The following PCP2 variants were observed in gnomAD, a reference collection of about 807,000 sequenced individuals.
PCP2 encodes Purkinje cell protein 2.
In PCP2, 21 loss-of-function variants were observed where a neutral mutation model predicts 18.3. That is an observed-to-expected ratio of 1.14 (90% CI 0.81 to 1.65). PCP2 has a LOEUF of 1.65. Among genes scored for constraint, PCP2 ranks in the 40% most tolerant of loss-of-function variants. The pLI, the probability that PCP2 is intolerant of heterozygous loss-of-function variation, is 0.00. For synonymous variants in PCP2, 85 were observed against 77.6 expected, an observed-to-expected ratio of 1.10 and a Z score of -0.50; for missense variants, 202 against 201.8, an observed-to-expected ratio of 1.00 and a Z score of 0.00.
rs558700311 is a variant in PCP2 at position 7,633,536 on chromosome 19, G to A, written c.-79C>T. 29 of 1,410,012 alleles carry A rather than the reference G, an allele frequency of 2.1e-5. 1 individual carries two copies. Among genetic ancestry groups the A allele is most frequent in the East Asian group, 2.0e-4 (8 of 40,238 alleles). The allele number at this position is 1,410,012 out of a possible 1,614,324, so 87.3% of individuals were successfully genotyped here. ...AGAGGGCCTTTTAAACGTCCAGGAC[G>A]TGGGGGTGTGGATTCCCCCCATCCC... On this transcript the variant is annotated 5_prime_UTR_variant, in exon 1 of 4. In the 5' UTR this introduces an upstream ATG that the reference lacks. Coordinates refer to ENST00000311069, the MANE Select transcript of PCP2 (RefSeq NM_174895.3).
chr19:7,631,700 G>C lies in PCP2; in HGVS notation c.400C>G (p.Gln134Glu), dbSNP rs1442705336. 6.2e-6 allele frequency: 9 copies of C among 1,455,426 alleles called. No individual in the cohort carries two copies. The highest frequency in any genetic ancestry group is 1.5e-5 in the South Asian group (1 of 66,708). 90.2% of individuals were successfully genotyped at this position (1,455,426 alleles called of 1,614,324 possible). A position where few individuals can be genotyped will look rare whatever the true frequency, so the allele number is the denominator to read the frequency against. ...GATGCCTCAGGCCCTCAGGGGGCTT[G>C]TGTCGGGGGCTGGGGGCTGCTGTTC... is the stretch of plus-strand genomic sequence containing the variant. ...RRNSSPQPPT[Q>E]AP Residue 134 changes from glutamine (Q) to glutamate (E), a missense_variant, in exon 4 of 4, where the codon CAA becomes GAA. By Grantham distance (29) the Gln-to-Glu change is conservative. Transcript: ENST00000311069.
chr19:7,633,590 C>G lies in PCP2; in HGVS notation c.-133G>C, dbSNP rs1461898288. 1.3e-6 allele frequency: 1 copy of G among 792,086 alleles called. No individual in the cohort carries two copies. The highest frequency in any genetic ancestry group is 2.7e-5 in the East Asian group (1 of 36,764). The allele number at this position is 792,086 out of a possible 1,614,324, so 49.1% of individuals were successfully genotyped here. Reference sequence around the variant, plus strand: ...ATCCCCAGCTCATGCCCCATCTGCTCCCACCCAAGCTTAAGCCCCATAAAG... The same window carrying G: ...ATCCCCAGCTCATGCCCCATCTGCTGCCACCCAAGCTTAAGCCCCATAAAG... On this transcript the variant is annotated 5_prime_UTR_variant, in exon 1 of 4. Coordinates refer to ENST00000311069, the MANE Select transcript of PCP2 (RefSeq NM_174895.3).
chr19:7,633,386 G>T, intron 1 of PCP2, 21 bp downstream of exon 1: 1 of 1,561,114 alleles, frequency 6.4e-7, no homozygotes, highest in African/African-American at 1.4e-5. Context: ...TGGGGGTGGG[G>T]TGGGGGCAGG....
At chr19:7,636,286 C>T (rs1157328672), upstream of PCP2, 1 of 152,146 alleles carries the variant, frequency 6.6e-6, no homozygotes, top group Non-Finnish European at 1.5e-5. Flanking sequence ...AATCGGAGAC[C>T]TCATTTTGTA....
Position 7,633,502 on chromosome 19 carries a change from C to G in PCP2, c.-45G>C. On this transcript the variant is annotated 5_prime_UTR_variant, in exon 1 of 4. Transcript: ENST00000311069. ...TTTTCTGCTGGCCTCTGCCCCGGCC[C>G]AGTGCCAGAGAGGGCCTTTTAAACG... 6 of 1,550,648 alleles carry G rather than the reference C, an allele frequency of 3.9e-6. No homozygotes were observed. The highest frequency in any genetic ancestry group is 5.2e-6 in the Non-Finnish European group (6 of 1,144,534).
At chr19:7,636,651 A>C (rs1203328783), upstream of PCP2, 1 of 151,336 alleles carries the variant, frequency 6.6e-6, no homozygotes, top group Non-Finnish European at 1.4e-5. Context: ...GTGCCTGCAC[A>C]CAAGAGGTCT....
chr19:7,634,452 T>A (rs1399446728), upstream of PCP2, among the ~76,000 whole-genome samples: 2 of 152,222 alleles, frequency 1.3e-5, no homozygotes, highest in East Asian at 3.8e-4. Context: ...AGTGTCCCCC[T>A]CCTCAGTACG....
chr19:7,635,005 A>C (rs2031471561), upstream of PCP2, among the ~76,000 whole-genome samples: 1 of 152,090 alleles, frequency 6.6e-6, no homozygotes, highest in Non-Finnish European at 1.5e-5. Flanking sequence ...GGCCTACTCT[A>C]CTCCAGTGTG....
At chr19:7,635,623 G>A (rs1340784696), upstream of PCP2, among the ~76,000 whole-genome samples, 1 of 152,176 alleles carries the variant, frequency 6.6e-6, no homozygotes, top group African/African-American at 2.4e-5. Flanking sequence ...TTGAGCTCAG[G>A]AAGTCGAGGC....
rs2031348334 is a variant in PCP2 at position 7,632,350 on chromosome 19, T to C, written c.291+43A>G. Reference sequence around the variant, plus strand: ...GGTGGAGGGCAGGATCGGAGAGCACTGCCTGGCGGGTTTCTCCTCGACATC... The same window carrying C: ...GGTGGAGGGCAGGATCGGAGAGCACCGCCTGGCGGGTTTCTCCTCGACATC... On this transcript the variant is annotated intron_variant, in intron 3 of 3. Coordinates refer to ENST00000311069, the MANE Select transcript of PCP2 (RefSeq NM_174895.3). The surrounding 1 kb of genome is among the most constrained non-coding windows in gnomAD (Gnocchi z 5.2). The C allele has an allele frequency of 6.2e-7, 1 of 1,610,524 alleles. No homozygotes were observed. The highest frequency in any genetic ancestry group is 8.5e-7 in the Non-Finnish European group (1 of 1,178,826).
chr19:7,633,535 C>A lies in PCP2; in HGVS notation c.-78G>T. On this transcript the variant is annotated 5_prime_UTR_variant, in exon 1 of 4. Coordinates refer to ENST00000311069, the MANE Select transcript of PCP2 (RefSeq NM_174895.3). ...GAGAGGGCCTTTTAAACGTCCAGGA[C>A]GTGGGGGTGTGGATTCCCCCCATCC... The A allele has an allele frequency of 6.9e-7, 1 of 1,441,822 alleles. No homozygotes were observed. The highest frequency in any genetic ancestry group is 9.5e-7 in the Non-Finnish European group (1 of 1,050,386). The allele number at this position is 1,441,822 out of a possible 1,614,324, so 89.3% of individuals were successfully genotyped here. A position where few individuals can be genotyped will look rare whatever the true frequency, so the allele number is the denominator to read the frequency against.
Position 7,632,796 on chromosome 19 carries a change from A to G in PCP2, c.86T>C (p.Leu29Pro), listed in dbSNP as rs2031380849. Reference sequence around the variant, plus strand: ...CCGGTCGCCCTGCACGTGGCTCAGCAGATTGAAGAAGCCCTCCTGGTCTGG... The same window carrying G: ...CCGGTCGCCCTGCACGTGGCTCAGCGGATTGAAGAAGCCCTCCTGGTCTGG... The part of the protein sequence containing the change: ...GSPDQEGFFN[L>P]LSHVQGDRME... The change falls in exon 2 of 4, where the codon CTG (leucine) becomes CCG (proline). Residue 29 changes from leucine to proline, a missense_variant. Physicochemically the swap from Leu to Pro is moderately conservative, Grantham distance 98 (BLOSUM62 -3). Coordinates refer to ENST00000311069, the MANE Select transcript of PCP2 (RefSeq NM_174895.3). This position sits in a 1 kb window ranked among gnomAD's most constrained non-coding sequence, Gnocchi z 5.2. The G allele has an allele frequency of 6.4e-7, 1 of 1,562,070 alleles. No homozygotes were observed.
upstream of PCP2, among the ~76,000 whole-genome samples, chr19:7,634,572 T>G (rs4804759): frequency 6.6e-6 from 1 of 152,290 alleles, no homozygotes; most frequent in East Asian, 1.9e-4. Flanking sequence ...GTCTCACTAT[T>G]TTGCCCAGGC....
Position 7,631,702 on chromosome 19 carries a change from G to C in PCP2, c.398C>G (p.Thr133Arg). The change falls in exon 4 of 4, where the codon ACA (threonine) becomes AGA (arginine). Residue 133 changes from threonine (T) to arginine (R), a missense_variant. Coordinates refer to ENST00000311069, the MANE Select transcript of PCP2 (RefSeq NM_174895.3). ...FRRNSSPQPP[T>R]QAP ...TGCCTCAGGCCCTCAGGGGGCTTGT[G>C]TCGGGGGCTGGGGGCTGCTGTTCCG... 6.9e-7 allele frequency: 1 copy of C among 1,453,636 alleles called. No individual in the cohort carries two copies. Among genetic ancestry groups the C allele is most frequent in the Non-Finnish European group, 9.1e-7 (1 of 1,102,090 alleles). The allele number at this position is 1,453,636 out of a possible 1,614,324, so 90.0% of individuals were successfully genotyped here.
At chr19:7,635,558 C>T (rs148638781), upstream of PCP2, among the ~76,000 whole-genome samples, 1,426 of 152,182 alleles carry the variant, frequency 9.4e-3, 23 homozygotes, top group African/African-American at 0.031. Flanking sequence ...CAACCGGGCA[C>T]GGTGGCGTGC....
At position 7,632,735 on chromosome 19, in the gene PCP2, C is replaced by T. The variant is rs760404126; in HGVS notation, c.147G>A (p.Pro49=). ...GCTCACGGCTCTTGGTGGTCTGGCCCGGCCCGGCTTGCAGTGAACAGCGCT... is the reference window on the plus strand; with the variant it reads ...GCTCACGGCTCTTGGTGGTCTGGCCTGGCCCGGCTTGCAGTGAACAGCGCT... ...EGQRCSLQAG[P]GQTTKSQSDP... Residue 49 remains proline (P), a synonymous_variant, in exon 2 of 4, where the codon CCG becomes CCA. Coordinates refer to ENST00000311069, the MANE Select transcript of PCP2 (RefSeq NM_174895.3). This position sits in a 1 kb window ranked among gnomAD's most constrained non-coding sequence, Gnocchi z 5.2. The T allele has an allele frequency of 4.5e-5, 71 of 1,561,598 alleles. No homozygotes were observed. Among genetic ancestry groups the T allele is most frequent in the African/African-American group, 5.4e-5 (4 of 73,764 alleles).
Position 7,632,814 on chromosome 19 carries a change from T to C in PCP2, c.68A>G (p.Gln23Arg). 6.4e-7 allele frequency: 1 copy of C among 1,555,710 alleles called. No homozygotes were observed. Among genetic ancestry groups the C allele is most frequent in the Non-Finnish European group, 8.7e-7 (1 of 1,152,554 alleles). The change falls in exon 2 of 4, where the codon CAG becomes CGG. Residue 23 changes from glutamine to arginine, a missense_variant. Gln to Arg is a conservative substitution (Grantham distance 43). Transcript: ENST00000311069. This position sits in a 1 kb window ranked among gnomAD's most constrained non-coding sequence, Gnocchi z 5.2. Reference protein sequence around the residue: ...GPCAEAGSPDQEGFFNLLSHV... With the variant: ...GPCAEAGSPDREGFFNLLSHV... ...GCTCAGCAGATTGAAGAAGCCCTCC[T>C]GGTCTGGGGAGCCCGCCTGGGGACA...
upstream of PCP2, chr19:7,636,686 G>A (rs2031547058): frequency 6.3e-6 from 1 of 158,246 alleles, no homozygotes; most frequent in Non-Finnish European, 1.4e-5. Context: ...TCCATCAAAA[G>A]TTATCCAAGA....
chr19:7,633,684 T>C lies in PCP2; in HGVS notation c.-227A>G. Reference sequence around the variant, plus strand: ...ATGGTGGGTAGGGGGCAGGGCGACCTGAGCTTGGACCTCGCTGTGCCCAGC... The same window carrying C: ...ATGGTGGGTAGGGGGCAGGGCGACCCGAGCTTGGACCTCGCTGTGCCCAGC... On this transcript the variant is annotated 5_prime_UTR_variant, in exon 1 of 4. Coordinates refer to ENST00000311069, the MANE Select transcript of PCP2 (RefSeq NM_174895.3). 1 of 581,134 alleles carries C rather than the reference T, an allele frequency of 1.7e-6. No homozygotes were observed. The highest frequency in any genetic ancestry group is 3.1e-6 in the Non-Finnish European group (1 of 327,350). 36.0% of individuals were successfully genotyped at this position (581,134 alleles called of 1,614,324 possible). A position where few individuals can be genotyped will look rare whatever the true frequency, so the allele number is the denominator to read the frequency against.
Sources: allele counts gnomAD v4.1 joint callset (sites outside exome capture counted in the v4.1 genomes callset), GRCh38; gene constraint gnomAD v4.1.1; non-coding constraint Gnocchi (gnomAD v3.1); transcripts MANE v1.5; gene names NCBI Gene and HGNC (gene_info 2026-07-23, HGNC 2026-07-21).